Variants in PCDHGB5 observed in about 807,000 individuals in gnomAD.
PCDHGB5 encodes the protein protocadherin gamma-B5.
Under a neutral mutation model 62.9 loss-of-function variants are expected in PCDHGB5, and 48 were observed. The ratio of observed to expected loss-of-function variants is 0.76; its 90% confidence interval spans 0.61 to 0.97. The LOEUF (loss-of-function observed/expected upper bound fraction) is 0.97. Ranked by LOEUF, PCDHGB5 falls within the 50% of genes least tolerant of loss-of-function variation. The pLI, the probability that PCDHGB5 is intolerant of heterozygous loss-of-function variation, is 0.00. For synonymous variants in PCDHGB5, 474 were observed against 511.2 expected, an observed-to-expected ratio of 0.93 and a Z score of 0.98; for missense variants, 1,118 against 1,198.6, an observed-to-expected ratio of 0.93 and a Z score of 0.99.
chr5:141,449,588 CAA>C (rs768743917), intron 1 of PCDHGB5, among the ~76,000 whole-genome samples: 5 of 57,502 alleles, frequency 8.7e-5, no homozygotes, highest in Admixed American at 1.8e-4. Flanking sequence ...GACTCTGTCT[CAA>C]AAAAAAAAAA....
intron 2 of PCDHGB5, among the ~76,000 whole-genome samples, chr5:141,499,234 A>G (rs1294400331): frequency 6.6e-6 from 1 of 152,008 alleles, no homozygotes; most frequent in Non-Finnish European, 1.5e-5. Flanking sequence ...AGCTGTCCCC[A>G]GCCTCTGCAC....
chr5:141,430,915 G>T, intron 1 of PCDHGB5: 1 of 1,607,738 alleles, frequency 6.2e-7, no homozygotes, highest in East Asian at 2.2e-5. Flanking sequence ...CCAGGGACCT[G>T]GGGCTGGAGC....
At chr5:141,494,772 G>C in intron 1 of PCDHGB5, 35 bp from the exon 2 acceptor site, 1 of 1,613,982 alleles carries the variant, frequency 6.2e-7, no homozygotes, top group Non-Finnish European at 8.5e-7. Context: ...ACTTCTCACG[G>C]GTACTCAGCC....
At chr5:141,482,943 G>T (rs2099574928) in intron 1 of PCDHGB5, among the ~76,000 whole-genome samples, 1 of 152,086 alleles carries the variant, frequency 6.6e-6, no homozygotes, top group Non-Finnish European at 1.5e-5. Context: ...TGTGGTTGTG[G>T]GTGCCTGTAA....
At position 141,486,761 on chromosome 5, in the gene PCDHGB5, A is replaced by G. The variant is rs1368106682; in HGVS notation, c.2398-8046A>G. 1 of 1,614,114 alleles carries G rather than the reference A, an allele frequency of 6.2e-7. No homozygotes were observed. The highest frequency in any genetic ancestry group is 8.5e-7 in the Non-Finnish European group (1 of 1,180,056). ...ATCCTTTGACTATGAGCAAACCCAG[A>G]CACTGCAGTTTGAGGTGCAGGCCCG... On this transcript the variant is annotated intron_variant, in intron 1 of 3. Transcript: ENST00000617380. The surrounding 1 kb of genome is among the most constrained non-coding windows in gnomAD (Gnocchi z 5.0).
intron 1 of PCDHGB5, among the ~76,000 whole-genome samples, chr5:141,445,652 A>C (rs1307606419): frequency 6.6e-6 from 1 of 152,212 alleles, no homozygotes; most frequent in African/African-American, 2.4e-5. Context: ...TGAATAGATT[A>C]ATAGGATGAG....
chr5:141,410,661 A>G, intron 1 of PCDHGB5: 1 of 1,572,394 alleles, frequency 6.4e-7, no homozygotes, highest in Non-Finnish European at 8.6e-7. Context: ...CTAATAGTCT[A>G]CTAGTTTCTC....
intron 1 of PCDHGB5, chr5:141,478,902 GCTGCTGGATAC>G: frequency 1.0e-6 from 1 of 978,788 alleles, no homozygotes. Context: ...TTAGGAATAA[GCTGCTGGATAC>G]CTCTAACCAG....
Position 141,399,509 on chromosome 5 carries a change from A to G in PCDHGB5, c.1382A>G (p.Asn461Ser). 8.1e-6 allele frequency: 13 copies of G among 1,613,968 alleles called. No individual in the cohort carries two copies. The highest frequency in any genetic ancestry group is 1.1e-5 in the Non-Finnish European group (13 of 1,179,880). Residue 461 changes from asparagine (N) to serine (S), a missense_variant, in exon 1 of 4, where the codon AAC becomes AGC. By Grantham distance (46) the Asn-to-Ser change is conservative. Around this residue, in one of 2 missense-constraint regions of PCDHGB5, gnomAD observed 1,034 missense variants for 1,029.1 expected, o/e 1.00. Transcript: ENST00000617380. ...TACTTAGTCAGTGTACCCGAAAACA[A>G]CCCTCCTGGGGCCTCCATCGCGCAA... ...ASYLVSVPEN[N>S]PPGASIAQVC...
At chr5:141,415,258 C>G (rs1228702476) in intron 1 of PCDHGB5, 1 of 1,614,214 alleles carries the variant, frequency 6.2e-7, no homozygotes, top group Non-Finnish European at 8.5e-7. Context: ...AGACCTCACT[C>G]TGTACCTGGT....
intron 1 of PCDHGB5, chr5:141,403,717 G>T: frequency 6.2e-7 from 1 of 1,613,936 alleles, no homozygotes; most frequent in Non-Finnish European, 8.5e-7. Flanking sequence ...TTGAGAACGT[G>T]CCCCCAGGCA....
Position 141,432,454 on chromosome 5 carries a change from C to T in PCDHGB5, c.2397+31930C>T, listed in dbSNP as rs751733947. On this transcript the variant is annotated intron_variant, in intron 1 of 3. Coordinates refer to ENST00000617380, the MANE Select transcript of PCDHGB5 (RefSeq NM_018925.3). The surrounding 1 kb of genome is among the most constrained non-coding windows in gnomAD (Gnocchi z 6.0). ...ACAATGCGCCCGAGATCCTGTACCC[C>T]GCCCTCCCCACGGACGGTTCCACTG... 134 of 1,614,108 alleles carry T rather than the reference C, an allele frequency of 8.3e-5. No homozygotes were observed. The highest frequency in any genetic ancestry group is 1.1e-4 in the Non-Finnish European group (133 of 1,180,058).
At chr5:141,482,768 CTGA>C (rs2099572195) in intron 1 of PCDHGB5, among the ~76,000 whole-genome samples, 1 of 126,868 alleles carries the variant, frequency 7.9e-6, no homozygotes, top group Admixed American at 7.7e-5. Flanking sequence ...TTCATTATCA[CTGA>C]ACCTTAAACT....
intron 1 of PCDHGB5, chr5:141,428,335 T>G (rs535486665): frequency 3.3e-6 from 2 of 615,106 alleles, no homozygotes; most frequent in East Asian, 5.9e-5. Context: ...TTCTATGCTC[T>G]TCTTCCTCGC....
At chr5:141,475,983 C>T in intron 1 of PCDHGB5, 2 of 1,049,240 alleles carry the variant, frequency 1.9e-6, no homozygotes, top group Non-Finnish European at 2.8e-6. Context: ...GAACAGCCGG[C>T]GAGCAAATCA....
Position 141,399,559 on chromosome 5 carries a change from G to C in PCDHGB5, c.1432G>C (p.Gly478Arg). The change falls in exon 1 of 4, where the codon GGG becomes CGG. Residue 478 changes from glycine (G) to arginine (R), a missense_variant. By Grantham distance (125) the Gly-to-Arg change is moderately radical (BLOSUM62 -2). Transcript: ENST00000617380. Reference protein sequence around the residue: ...AQVCASDLDLGLNGQVSYSIM... With the variant: ...AQVCASDLDLRLNGQVSYSIM... ...AGTCTGCGCCTCGGACCTGGACTTGGGGTTGAACGGCCAAGTCTCCTACTC... is the reference window on the plus strand; with the variant it reads ...AGTCTGCGCCTCGGACCTGGACTTGCGGTTGAACGGCCAAGTCTCCTACTC... The C allele has an allele frequency of 6.2e-7, 1 of 1,614,038 alleles. No individual in the cohort carries two copies. Among genetic ancestry groups the C allele is most frequent in the Non-Finnish European group, 8.5e-7 (1 of 1,179,894 alleles).
At position 141,491,052 on chromosome 5, in the gene PCDHGB5, G is replaced by A. The variant is rs2099707642; in HGVS notation, c.2398-3755G>A. ...ATGCTGATGCAGGCCACAATGCGTG[G>A]CTCTCCTACTCACTGTTGCCACAGT... On this transcript the variant is annotated intron_variant, in intron 1 of 3. Transcript: ENST00000617380. The surrounding 1 kb of genome is among the most constrained non-coding windows in gnomAD (Gnocchi z 6.9). 3.1e-6 allele frequency: 5 copies of A among 1,614,038 alleles called. No individual in the cohort carries two copies. The highest frequency in any genetic ancestry group is 4.2e-6 in the Non-Finnish European group (5 of 1,180,032).
intron 2 of PCDHGB5, among the ~76,000 whole-genome samples, chr5:141,496,410 A>G (rs77823969): frequency 0.019 from 2,839 of 152,308 alleles, 40 homozygotes; most frequent in Middle Eastern, 0.082. Context: ...ATGGTTGAGT[A>G]CTTGCTGTCC....
intron 1 of PCDHGB5, among the ~76,000 whole-genome samples, chr5:141,492,164 C>G (rs1180358388): frequency 6.6e-6 from 1 of 152,230 alleles, no homozygotes; most frequent in Non-Finnish European, 1.5e-5. Context: ...CTCCCTATCC[C>G]CGCATCACCC....
Sources: allele counts gnomAD v4.1 joint callset (sites outside exome capture counted in the v4.1 genomes callset), GRCh38; gene constraint gnomAD v4.1.1; regional missense constraint gnomAD v4.1.1; non-coding constraint Gnocchi (gnomAD v3.1); transcripts MANE v1.5; gene names NCBI Gene and HGNC (gene_info 2026-07-23, HGNC 2026-07-21).